The following PLCG2 variants were observed in gnomAD, a reference collection of about 807,000 sequenced individuals.
PLCG2 encodes the protein phospholipase C gamma 2.
In PLCG2, 69 loss-of-function variants were observed where a neutral mutation model predicts 175.6. That is an observed-to-expected ratio of 0.39 (90% CI 0.32 to 0.48). The LOEUF (loss-of-function observed/expected upper bound fraction) is 0.48, where lower values mean the gene tolerates loss of function less well. PLCG2 is among the 20% of genes least tolerant of loss of function. The probability of loss-of-function intolerance (pLI) is 0.91; values close to 1 mark genes in which losing one functional copy is unlikely to be tolerated. For synonymous variants in PLCG2, 827 were observed against 624.0 expected (o/e 1.33, Z -4.85); for missense variants, 1,798 against 1,650.9 (o/e 1.09, Z -1.54).
rs1324751076 is a variant in PLCG2 at position 81,883,326 on chromosome 16, C to T, written c.750C>T (p.Leu250=). ...ACCTGCATGACTTCCAGAGGTTTCTCATACATGAACAGCAGGTGAGAGCAC... is the reference window on the plus strand; with the variant it reads ...ACCTGCATGACTTCCAGAGGTTTCTTATACATGAACAGCAGGTGAGAGCAC... ...AVYLHDFQRF[L]IHEQQEHWAQ... The change falls in exon 9 of 33, where the codon CTC becomes CTT. Residue 250 remains leucine, a synonymous_variant. Coordinates refer to ENST00000564138, the MANE Select transcript of PLCG2 (RefSeq NM_002661.5). 3 of 1,613,822 alleles carry T rather than the reference C, an allele frequency of 1.9e-6. No individual in the cohort carries two copies. Among genetic ancestry groups the T allele is most frequent in the Non-Finnish European group, 2.5e-6 (3 of 1,179,894 alleles).
Position 81,883,747 on chromosome 16 carries a change from A to T in PLCG2, c.765+406A>T, listed in dbSNP as rs190031162. 2.5e-3 allele frequency among the ~76,000 whole-genome samples: 377 copies of T among 152,310 alleles called. 2 individuals are homozygous for T. Among genetic ancestry groups the T allele is most frequent in the Non-Finnish European group, 3.5e-3 (238 of 68,006 alleles). On this transcript the variant is annotated intron_variant, in intron 9 of 32. Transcript: ENST00000564138. ...CTGATGGGAGGATGGGATCAGATTC[A>T]TCAAGCCTGCCAGGTCCCCTGGGAG...
chr16:81,740,755 A>AAAC (rs1909574762), intron 1 of PLCG2, among the ~76,000 whole-genome samples: 1 of 149,164 alleles, frequency 6.7e-6, no homozygotes, highest in Non-Finnish European at 1.5e-5. Context: ...AAAAAAAAAA[A>AAAC]AAAAACCGAA....
Position 81,893,961 on chromosome 16 carries a change from C to CTT in PLCG2, c.1072+183_1072+184dup, listed in dbSNP as rs74264894. Among the ~76,000 whole-genome samples the CTT allele has an allele frequency of 3.3e-3, 442 of 134,568 alleles. 13 individuals carry two copies. The highest frequency in any genetic ancestry group is 0.012 in the African/African-American group (412 of 35,780). 88.3% of individuals were successfully genotyped at this position (134,568 alleles called of 152,430 possible). ...TGTTTCTTTGTTTTCTTTTTTCTTTCTTTTTTTTTTTTTTTTTGAGACGGA... is the reference window on the plus strand; with the variant it reads ...TGTTTCTTTGTTTTCTTTTTTCTTTCTTTTTTTTTTTTTTTTTTTGAGACGGA... On this transcript the variant is annotated intron_variant, in intron 12 of 32. Coordinates refer to ENST00000564138, the MANE Select transcript of PLCG2 (RefSeq NM_002661.5).
intron 13 of PLCG2, 75 bp downstream of exon 13, chr16:81,896,002 A>G: frequency 5.1e-6 from 8 of 1,556,848 alleles, no homozygotes; most frequent in Non-Finnish European, 7.1e-6. Context: ...ATGGACAGAC[A>G]GGCAAACACA....
At chr16:81,761,411 G>T (rs924591828) in intron 2 of PLCG2, among the ~76,000 whole-genome samples, 1 of 152,178 alleles carries the variant, frequency 6.6e-6, no homozygotes, top group African/African-American at 2.4e-5. Context: ...TAAGTGTATT[G>T]TAATTATGAA....
rs1220318578 is a variant in PLCG2 at position 81,912,688 on chromosome 16, G to C, written c.2026G>C (p.Gly676Arg). Residue 676 changes from glycine to arginine, a missense_variant, in exon 19 of 33, where the codon GGG (glycine) becomes CGG (arginine). Physicochemically the swap from Gly to Arg is moderately radical, Grantham distance 125. Transcript: ENST00000564138. ...DGAFLIRKRE[G>R]SDSYAITFRA... ...GGCCTTCCTGATCCGGAAGCGAGAG[G>C]GGAGCGACTCCTATGCCATCACCTT... is the stretch of plus-strand genomic sequence containing the variant. The C allele has an allele frequency of 6.2e-7, 1 of 1,611,358 alleles. No individual in the cohort carries two copies. Among genetic ancestry groups the C allele is most frequent in the East Asian group, 2.2e-5 (1 of 44,856 alleles).
At chr16:81,879,544 T>C (rs1011078785) in intron 7 of PLCG2, among the ~76,000 whole-genome samples, 1 of 152,156 alleles carries the variant, frequency 6.6e-6, no homozygotes, top group African/African-American at 2.4e-5. Context: ...CGATTCCCTT[T>C]CTAGAACCCT....
intron 4 of PLCG2, 89 bp downstream of exon 4, chr16:81,858,445 A>C: frequency 1.1e-6 from 1 of 915,674 alleles, no homozygotes; most frequent in Non-Finnish European, 1.8e-6. Flanking sequence ...GGGGAAAAAA[A>C]AAAAAAGGGA....
At chr16:81,916,255 TA>T (rs1402309776) in intron 19 of PLCG2, among the ~76,000 whole-genome samples, 3 of 151,528 alleles carry the variant, frequency 2.0e-5, no homozygotes, top group African/African-American at 4.9e-5. Flanking sequence ...TAAAGCAATA[TA>T]TTTTTTTTTT....
chr16:81,873,737 C>T (rs1907631026), intron 7 of PLCG2, among the ~76,000 whole-genome samples: 1 of 151,940 alleles, frequency 6.6e-6, no homozygotes, highest in South Asian at 2.1e-4. Flanking sequence ...TGAGACTAGC[C>T]TGGGCAACAT....
At chr16:81,835,663 C>G (rs935098268) in intron 2 of PLCG2, among the ~76,000 whole-genome samples, 10 of 151,992 alleles carry the variant, frequency 6.6e-5, no homozygotes, top group Non-Finnish European at 2.9e-5. Flanking sequence ...TATTAGTGTC[C>G]TGTGGTTGCC....
At chr16:81,953,236 G>A (rs572384196) in intron 31 of PLCG2, among the ~76,000 whole-genome samples, 1 of 152,322 alleles carries the variant, frequency 6.6e-6, no homozygotes, top group Admixed American at 6.5e-5. Context: ...TTGGATGTGG[G>A]AACAGGAAAA....
intron 21 of PLCG2, chr16:81,921,576 G>T: frequency 2.6e-6 from 1 of 390,848 alleles, no homozygotes; most frequent in South Asian, 2.1e-5. Flanking sequence ...CGCTGACAGA[G>T]CCTGTGGTGT....
At chr16:81,931,449 G>C (rs781304010) in intron 24 of PLCG2, 48 bp from the exon 25 acceptor site, 37 of 1,583,676 alleles carry the variant, frequency 2.3e-5, no homozygotes, top group Non-Finnish European at 3.1e-5. Flanking sequence ...TGGTCTTTGT[G>C]GCCCTCTAAT....
In PLCG2 at chr16:81,962,090, G is replaced by C. The variant is rs1351188060; in HGVS notation, c.*4092G>C. The stretch of plus-strand genomic sequence containing the variant: ...TCGAAGAGGACGACCAACCCCGATA[G>C]AGGAGGACCGGTCTTCGGTCAAGGG... On this transcript the variant is annotated 3_prime_UTR_variant, in exon 33 of 33. Coordinates refer to ENST00000564138, the MANE Select transcript of PLCG2 (RefSeq NM_002661.5). The C allele has an allele frequency of 1.6e-5, 3 of 186,008 alleles. No individual in the cohort carries two copies. The highest frequency in any genetic ancestry group is 7.0e-5 in the African/African-American group (3 of 42,650). 11.5% of individuals were successfully genotyped at this position (186,008 alleles called of 1,614,324 possible). A position where few individuals can be genotyped will look rare whatever the true frequency, so the allele number is the denominator to read the frequency against.
At chr16:81,920,300 AAG>A (rs1300403105) in intron 20 of PLCG2, among the ~76,000 whole-genome samples, 1 of 152,136 alleles carries the variant, frequency 6.6e-6, no homozygotes, top group African/African-American at 2.4e-5. Context: ...TAATTTATTG[AAG>A]AGAGATTTAT....
chr16:81,783,197 T>A, intron 1 of PLCG2: 12 of 465,080 alleles, frequency 2.6e-5, no homozygotes, highest in South Asian at 1.8e-4. Context: ...CCTAGAGACC[T>A]GGGAGTGGGG....
intron 31 of PLCG2, among the ~76,000 whole-genome samples, chr16:81,955,443 G>C (rs1431199469): frequency 1.3e-5 from 2 of 152,186 alleles, no homozygotes; most frequent in East Asian, 1.9e-4. Context: ...CTCTGAAACA[G>C]ATGAGGCAAA....
chr16:81,783,155 G>C (rs899850204), intron 1 of PLCG2: 5 of 489,618 alleles, frequency 1.0e-5, no homozygotes, highest in African/African-American at 9.7e-5. Flanking sequence ...AATGGGGCTT[G>C]TGTTTCCTAC....
Sources: allele counts gnomAD v4.1 joint callset (sites outside exome capture counted in the v4.1 genomes callset), GRCh38; gene constraint gnomAD v4.1.1; transcripts MANE v1.5; gene names NCBI Gene and HGNC (gene_info 2026-07-23, HGNC 2026-07-21).